OPRM1: variants seen among roughly 807,000 people sequenced by gnomAD.
OPRM1 encodes the protein opioid receptor mu 1.
OPRM1 carries 27 observed loss-of-function variants against 31.8 expected under a neutral mutation model. The observed-to-expected ratio is 0.85, with a 90% confidence interval of 0.63 to 1.17. OPRM1 has a LOEUF of 1.17. Ranked by LOEUF, OPRM1 falls within the 50% of genes most tolerant of loss-of-function variation. OPRM1 has a pLI of 0.00. For missense variants in OPRM1, 536 were observed against 511.1 expected (o/e 1.05, Z -0.47); for synonymous variants, 196 against 189.9 (o/e 1.03, Z -0.26).
chr6:154,202,842 G>T (rs537805736), intron 3 of OPRM1, among the ~76,000 whole-genome samples: 221 of 151,154 alleles, frequency 1.5e-3, no homozygotes, highest in African/African-American at 5.1e-3. Flanking sequence ...TTTTTAAATG[G>T]AGAAAAGAAG....
chr6:154,172,071 T>C (rs950970846), intron 3 of OPRM1, among the ~76,000 whole-genome samples: 3 of 152,238 alleles, frequency 2.0e-5, no homozygotes, highest in African/African-American at 4.8e-5. Flanking sequence ...AAGATTGTGA[T>C]AGAAAACAAC....
At position 154,159,605 on chromosome 6, in the gene OPRM1, C is replaced by G. The variant is rs2273619; in HGVS notation, c.1164+68133C>G. ...CAGTAGGAACACAAAAAACGCCTTT[C>G]AACTGAACTCAATCATTCCAATCTC... On this transcript the variant is annotated intron_variant, in intron 3 of 3. Transcript: ENST00000337049. The G allele has an allele frequency of 2.6e-5, 14 of 544,266 alleles. No individual in the cohort carries two copies. The East Asian group carries it at 4.6e-4, about 18-fold the overall frequency. The allele number at this position is 544,266 out of a possible 1,614,324, so 33.7% of individuals were successfully genotyped here. A position where few individuals can be genotyped will look rare whatever the true frequency, so the allele number is the denominator to read the frequency against.
intron 1 of OPRM1, among the ~76,000 whole-genome samples, chr6:154,028,588 G>T (rs573598938): frequency 2.0e-5 from 3 of 152,270 alleles, no homozygotes; most frequent in South Asian, 4.1e-4. Context: ...AGGCCCCAGC[G>T]CCCTTTAGCC....
intron 1 of OPRM1, among the ~76,000 whole-genome samples, chr6:154,052,473 C>T (rs575414753): frequency 6.6e-6 from 1 of 152,370 alleles, no homozygotes; most frequent in East Asian, 1.9e-4. Flanking sequence ...GATATGACTG[C>T]ATTTCAATAA....
upstream of OPRM1, among the ~76,000 whole-genome samples, chr6:154,034,956 A>G (rs572728246): frequency 1.6e-4 from 25 of 152,360 alleles, 1 homozygote; most frequent in Admixed American, 1.2e-3. Flanking sequence ...TTTAAGGACG[A>G]TTCTGTACAG....
chr6:154,168,181 T>C lies in OPRM1; in HGVS notation c.1164+76709T>C. 1 of 1,229,858 alleles carries C rather than the reference T, an allele frequency of 8.1e-7. No homozygotes were observed. Among genetic ancestry groups the C allele is most frequent in the South Asian group, 1.7e-5 (1 of 57,906 alleles). 76.2% of individuals were successfully genotyped at this position (1,229,858 alleles called of 1,614,324 possible). A position where few individuals can be genotyped will look rare whatever the true frequency, so the allele number is the denominator to read the frequency against. On this transcript the variant is annotated intron_variant, in intron 3 of 3. Transcript: ENST00000337049. This position sits in a 1 kb window ranked among gnomAD's most constrained non-coding sequence, Gnocchi z 4.1. ...GAAAAATCAAGGAGAGAACATTCAA[T>C]ACTGTGGTCCCAAGGCACGGCCCCA...
chr6:154,160,647 T>C (rs564087615), intron 3 of OPRM1, among the ~76,000 whole-genome samples: 7 of 152,196 alleles, frequency 4.6e-5, no homozygotes, highest in Non-Finnish European at 8.8e-5. Flanking sequence ...TTCTGCCTCC[T>C]CTGTAACCAA....
chr6:154,121,237 T>C lies in OPRM1; in HGVS notation c.*2516T>C, dbSNP rs373217300. On this transcript the variant is annotated 3_prime_UTR_variant, in exon 4 of 4. Coordinates refer to ENST00000330432, the MANE Select transcript of OPRM1 (RefSeq NM_000914.5). ...GGGGCGGAAGCTTTGTTTCTTTACC[T>C]GATCACTTGCTGTGGAAATTCTAGC... Among the ~76,000 whole-genome samples the C allele has an allele frequency of 7.2e-5, 11 of 152,344 alleles. No individual in the cohort carries two copies. The highest frequency in any genetic ancestry group is 2.2e-4 in the African/African-American group (9 of 41,592).
chr6:154,238,677 C>T (rs951165181), intron 3 of OPRM1, among the ~76,000 whole-genome samples: 1 of 151,988 alleles, frequency 6.6e-6, no homozygotes, highest in Non-Finnish European at 1.5e-5. Flanking sequence ...TGAGCACATA[C>T]TACTGTATAA....
intron 1 of OPRM1, among the ~76,000 whole-genome samples, chr6:154,026,006 G>T (rs1339778956): frequency 2.6e-5 from 4 of 151,870 alleles, no homozygotes; most frequent in Admixed American, 2.6e-4. Context: ...TATTCTGTGG[G>T]TTTCTGTGTA....
At position 154,089,808 on chromosome 6, in the gene OPRM1, T is replaced by A; in HGVS notation, c.291-18T>A. 1 of 1,561,804 alleles carries A rather than the reference T, an allele frequency of 6.4e-7. No individual in the cohort carries two copies. On this transcript the variant is annotated intron_variant, in intron 1 of 3. Coordinates refer to ENST00000330432, the MANE Select transcript of OPRM1 (RefSeq NM_000914.5). The stretch of plus-strand genomic sequence containing the variant: ...AGTGTCTTTTACTGATTCTCACTCT[T>A]CTTCCTTTATCTCCTAGATACACCA...
In OPRM1 at chr6:154,121,654, C is replaced by T. The variant is rs539686030; in HGVS notation, c.*2933C>T. Among the ~76,000 whole-genome samples the T allele has an allele frequency of 7.9e-5, 12 of 152,248 alleles. No individual in the cohort carries two copies. The highest frequency in any genetic ancestry group is 4.1e-4 in the South Asian group (2 of 4,824). ...CTCATTTAATATTACCCAAAAGATG[C>T]TAACAAATTCTGTTTCCCACATTGT... On this transcript the variant is annotated 3_prime_UTR_variant, in exon 4 of 4. Coordinates refer to ENST00000330432, the MANE Select transcript of OPRM1 (RefSeq NM_000914.5).
At chr6:154,136,828 G>A (rs1260838544), downstream of OPRM1, among the ~76,000 whole-genome samples, 3 of 152,158 alleles carry the variant, frequency 2.0e-5, no homozygotes, top group East Asian at 5.8e-4. Context: ...GGTGAAAAGG[G>A]AGGCAAGCCG....
chr6:154,145,751 C>T (rs1798343531), intron 3 of OPRM1, among the ~76,000 whole-genome samples: 1 of 152,206 alleles, frequency 6.6e-6, no homozygotes, highest in South Asian at 2.1e-4. Context: ...CTACAGGAAT[C>T]AAAGATGTGC....
At chr6:154,055,707 A>G (rs1199221861) in intron 1 of OPRM1, among the ~76,000 whole-genome samples, 1 of 152,214 alleles carries the variant, frequency 6.6e-6, no homozygotes, top group Non-Finnish European at 1.5e-5. Flanking sequence ...TGTCAAGGAC[A>G]TGATGATGTG....
chr6:154,153,684 C>G (rs1447290517), intron 3 of OPRM1, among the ~76,000 whole-genome samples: 2 of 89,490 alleles, frequency 2.2e-5, no homozygotes, highest in South Asian at 6.8e-4. Flanking sequence ...AACTCTATCT[C>G]AAAAAAAAAA....
At chr6:154,154,771 G>A (rs1036813341) in intron 3 of OPRM1, 1 of 152,200 alleles carries the variant, frequency 6.6e-6, no homozygotes, top group Non-Finnish European at 1.5e-5. Flanking sequence ...AAAACATAAA[G>A]CAGGAGAGAA....
intron 3 of OPRM1, among the ~76,000 whole-genome samples, chr6:154,138,436 C>G (rs1213554994): frequency 6.6e-6 from 1 of 152,170 alleles, no homozygotes; most frequent in Non-Finnish European, 1.5e-5. Flanking sequence ...GAGGTGGGAC[C>G]TGGTCCTCAG....
chr6:154,191,010 C>T (rs1487569950), intron 3 of OPRM1, among the ~76,000 whole-genome samples: 5 of 151,912 alleles, frequency 3.3e-5, no homozygotes, highest in Non-Finnish European at 7.4e-5. Context: ...GAGCCGAGAT[C>T]GCGCCACTGC....
Sources: allele counts gnomAD v4.1 joint callset (sites outside exome capture counted in the v4.1 genomes callset), GRCh38; gene constraint gnomAD v4.1.1; non-coding constraint Gnocchi (gnomAD v3.1); transcripts MANE v1.5; gene names NCBI Gene and HGNC (gene_info 2026-07-23, HGNC 2026-07-21).